Variants in TSHZ2 observed in about 807,000 individuals in gnomAD.
The protein encoded by TSHZ2 is teashirt zinc finger homeobox 2, also known as teashirt homolog 2.
Under a neutral mutation model 74.4 loss-of-function variants are expected in TSHZ2, and 21 were observed. The ratio of observed to expected loss-of-function variants is 0.28; its 90% CI spans 0.20 to 0.41. The LOEUF is 0.41. Among genes scored for constraint, TSHZ2 ranks in the 10% least tolerant of loss-of-function variants. The probability of loss-of-function intolerance (pLI) is 1.00; values close to 1 mark genes in which losing one functional copy is unlikely to be tolerated. For missense variants in TSHZ2, 1,244 were observed against 1,293.5 expected (o/e 0.96, Z 0.59); for synonymous variants, 540 against 515.3 (o/e 1.05, Z -0.65).
intron 1 of TSHZ2, chr20:53,208,489 C>T (rs552965668): frequency 6.6e-6 from 1 of 152,310 alleles, no homozygotes; most frequent in Admixed American, 6.5e-5. Flanking sequence ...ATCAAGCACT[C>T]CCCAAGTATT....
At chr20:53,441,540 C>A (rs1984327338) in intron 2 of TSHZ2, among the ~76,000 whole-genome samples, 1 of 151,818 alleles carries the variant, frequency 6.6e-6, no homozygotes, top group African/African-American at 2.4e-5. Flanking sequence ...CCCACCTCGG[C>A]CTCCCAAAGT....
chr20:53,205,768 A>C (rs990385772), intron 1 of TSHZ2, among the ~76,000 whole-genome samples: 1 of 152,212 alleles, frequency 6.6e-6, no homozygotes, highest in African/African-American at 2.4e-5. Flanking sequence ...CTGCTTCTAA[A>C]AAATATTCAG....
At chr20:53,358,579 A>G (rs1466688382) in intron 2 of TSHZ2, among the ~76,000 whole-genome samples, 1 of 151,984 alleles carries the variant, frequency 6.6e-6, no homozygotes, top group Non-Finnish European at 1.5e-5. Context: ...TCCTGGCCTC[A>G]GTTGATCAAC....
intron 1 of TSHZ2, among the ~76,000 whole-genome samples, chr20:53,031,951 A>G (rs546354053): frequency 2.0e-5 from 3 of 152,216 alleles, no homozygotes; most frequent in Non-Finnish European, 2.9e-5. Flanking sequence ...GGAAGAAAGG[A>G]AGGAAGGAAG....
chr20:53,422,314 A>C (rs567872359), intron 2 of TSHZ2, among the ~76,000 whole-genome samples: 2 of 152,120 alleles, frequency 1.3e-5, no homozygotes, highest in South Asian at 4.2e-4. Flanking sequence ...GTTAAGGACC[A>C]CTCCTACCCC....
chr20:53,056,078 ACTCTT>A (rs1454007668), intron 1 of TSHZ2, among the ~76,000 whole-genome samples: 1 of 152,084 alleles, frequency 6.6e-6, no homozygotes, highest in Non-Finnish European at 1.5e-5. Flanking sequence ...TCTGAATTCT[ACTCTT>A]AGAATCTGAG....
At chr20:53,307,148 G>A (rs1481410860) in intron 2 of TSHZ2, among the ~76,000 whole-genome samples, 4 of 152,080 alleles carry the variant, frequency 2.6e-5, no homozygotes. Context: ...TCACAGAATC[G>A]GCAGGTGACG....
At chr20:53,171,169 G>A (rs1195548563) in intron 1 of TSHZ2, among the ~76,000 whole-genome samples, 2 of 152,182 alleles carry the variant, frequency 1.3e-5, no homozygotes, top group Non-Finnish European at 2.9e-5. Context: ...TTAAAGGGCT[G>A]TTTCCAACAG....
At chr20:52,975,909 T>A (rs906371912) in intron 1 of TSHZ2, among the ~76,000 whole-genome samples, 2 of 152,184 alleles carry the variant, frequency 1.3e-5, no homozygotes, top group African/African-American at 4.8e-5. Flanking sequence ...CTTTTATCAC[T>A]GCTTAAAATT....
At chr20:53,352,286 C>T (rs1395928383) in intron 2 of TSHZ2, among the ~76,000 whole-genome samples, 2 of 137,046 alleles carry the variant, frequency 1.5e-5, no homozygotes, top group South Asian at 4.8e-4. Flanking sequence ...ATCTGACCAA[C>T]ACCATGAATT....
intron 1 of TSHZ2, among the ~76,000 whole-genome samples, chr20:53,131,265 A>C (rs1245478699): frequency 6.6e-6 from 1 of 152,248 alleles, no homozygotes; most frequent in African/African-American, 2.4e-5. Context: ...ACAATAAATC[A>C]GTGAAAGAAA....
chr20:53,251,384 T>C (rs1244917889), intron 1 of TSHZ2, among the ~76,000 whole-genome samples: 1 of 152,226 alleles, frequency 6.6e-6, no homozygotes, highest in Admixed American at 6.5e-5. Flanking sequence ...AGAGACTTTC[T>C]CTTTGAATGG....
At chr20:53,068,901 A>G (rs1464932042) in intron 1 of TSHZ2, among the ~76,000 whole-genome samples, 2 of 151,866 alleles carry the variant, frequency 1.3e-5, no homozygotes, top group Admixed American at 6.6e-5. Flanking sequence ...GAACTGAGGC[A>G]ATGACTGTGA....
intron 2 of TSHZ2, among the ~76,000 whole-genome samples, chr20:53,436,524 TTTA>T (rs754149055): frequency 2.2e-4 from 27 of 123,348 alleles, no homozygotes; most frequent in Admixed American, 4.6e-4. Context: ...ATTTTATTTA[TTTA>T]TTATTATTAT....
chr20:53,361,489 C>CT (rs1000002403), intron 2 of TSHZ2, among the ~76,000 whole-genome samples: 1 of 152,132 alleles, frequency 6.6e-6, no homozygotes, highest in Non-Finnish European at 1.5e-5. Context: ...AAAACAAACT[C>CT]TTTTTTATAA....
At chr20:53,259,348 C>T (rs767232438) in intron 2 of TSHZ2, among the ~76,000 whole-genome samples, 15 of 152,198 alleles carry the variant, frequency 9.9e-5, no homozygotes, top group Non-Finnish European at 4.4e-5. Flanking sequence ...CTGCAAAATG[C>T]TCTGCCAAAT....
At chr20:53,212,584 A>T (rs1444041502) in intron 1 of TSHZ2, among the ~76,000 whole-genome samples, 1 of 152,224 alleles carries the variant, frequency 6.6e-6, no homozygotes, top group African/African-American at 2.4e-5. Flanking sequence ...GACTGCTTTC[A>T]TTCAGAGTAC....
chr20:52,992,715 C>T (rs1982039204), intron 1 of TSHZ2, among the ~76,000 whole-genome samples: 2 of 152,180 alleles, frequency 1.3e-5, no homozygotes, highest in East Asian at 1.9e-4. Flanking sequence ...CCAAACTTGC[C>T]AAACACATAA....
intron 1 of TSHZ2, among the ~76,000 whole-genome samples, chr20:53,160,307 C>G (rs776195190): frequency 4.6e-5 from 7 of 152,112 alleles, no homozygotes; most frequent in Non-Finnish European, 8.8e-5. Flanking sequence ...GATCTTTCAC[C>G]TTCATGGGTT....
Sources: gnomAD v4.1 joint callset for allele counts (sites outside exome capture counted in the v4.1 genomes callset) on GRCh38, gnomAD v4.1.1 for gene constraint, MANE v1.5 for transcripts, NCBI Gene and HGNC (gene_info 2026-07-23, HGNC 2026-07-21) for gene names.